Variants in KDM5B observed in about 807,000 individuals in gnomAD.
The protein encoded by KDM5B is lysine-specific demethylase 5B.
A neutral mutation model predicts 193.4 loss-of-function variants in KDM5B; 144 were observed. The ratio of observed to expected loss-of-function variants is 0.74; its 90% CI spans 0.65 to 0.86. KDM5B has a LOEUF of 0.86. KDM5B is among the 40% of genes least tolerant of loss of function. The pLI is 0.00. For missense variants in KDM5B, 1,833 were observed against 1,886.9 expected, an observed-to-expected ratio of 0.97 and a Z score of 0.53; for synonymous variants, 668 against 682.6, an observed-to-expected ratio of 0.98 and a Z score of 0.33.
intron 4 of KDM5B, among the ~76,000 whole-genome samples, chr1:202,770,101 T>G (rs1258649047): frequency 6.6e-6 from 1 of 152,174 alleles, no homozygotes; most frequent in Non-Finnish European, 1.5e-5. Flanking sequence ...CTGTAGTTTT[T>G]TAGAATAAAT....
chr1:202,765,501 A>T (rs950679496), intron 5 of KDM5B, among the ~76,000 whole-genome samples: 2 of 152,250 alleles, frequency 1.3e-5, no homozygotes, highest in Non-Finnish European at 2.9e-5. Flanking sequence ...ATCAAGGCAG[A>T]TGTAGGCATC....
At chr1:202,785,425 T>C (rs1336845719) in intron 1 of KDM5B, among the ~76,000 whole-genome samples, 1 of 152,178 alleles carries the variant, frequency 6.6e-6, no homozygotes, top group Non-Finnish European at 1.5e-5. Flanking sequence ...TACATCAAAA[T>C]AGATGTCAAA....
Position 202,789,683 on chromosome 1 carries a change from A to T in KDM5B, c.205-12589T>A, listed in dbSNP as rs192558558. Among the ~76,000 whole-genome samples, 1,412 of 147,508 alleles carry T rather than the reference A, an allele frequency of 9.6e-3. 29 individuals are homozygous for T. The highest frequency in any genetic ancestry group is 0.032 in the African/African-American group (1,295 of 39,856). Reference sequence around the variant, plus strand: ...ACCATGGCGGGACCCTATAAAAAAAATTTTTTTTTTAATTAGCTAGGCATG... The same window carrying T: ...ACCATGGCGGGACCCTATAAAAAAATTTTTTTTTTTAATTAGCTAGGCATG... On this transcript the variant is annotated intron_variant, in intron 1 of 26. Coordinates refer to ENST00000367265, the MANE Select transcript of KDM5B (RefSeq NM_006618.5).
At chr1:202,757,218 C>T (rs966164865) in intron 9 of KDM5B, among the ~76,000 whole-genome samples, 7 of 152,168 alleles carry the variant, frequency 4.6e-5, no homozygotes, top group Non-Finnish European at 8.8e-5. Context: ...GGACGCAGAG[C>T]TCGGGTGTAA....
At chr1:202,803,054 T>C (rs932864336) in intron 1 of KDM5B, among the ~76,000 whole-genome samples, 8 of 151,686 alleles carry the variant, frequency 5.3e-5, no homozygotes, top group African/African-American at 1.9e-4. Flanking sequence ...TACAATTTAT[T>C]AGAGGCTGAG....
rs201909287 is a variant in KDM5B, at chr1:202,732,057, AC to A, written c.3910-119del. The A allele has an allele frequency of 0.042, 26,925 of 634,540 alleles. 367 individuals are homozygous for A. Among genetic ancestry groups the A allele is most frequent in the Non-Finnish European group, 0.055 (20,526 of 372,624 alleles). The allele number at this position is 634,540 out of a possible 1,614,324, so 39.3% of individuals were successfully genotyped here. ...GCAACCAGGGGAAAAAAAAAAAAAAACAACTTGATTTTCCCCTACTGAAGAG... is the reference window on the plus strand; with the variant it reads ...GCAACCAGGGGAAAAAAAAAAAAAAAAACTTGATTTTCCCCTACTGAAGAG... On this transcript the variant is annotated intron_variant, in intron 23 of 26. Transcript: ENST00000367265.
chr1:202,734,422 C>G (rs549395893), intron 22 of KDM5B, among the ~76,000 whole-genome samples: 4 of 145,860 alleles, frequency 2.7e-5, no homozygotes, highest in Admixed American at 2.1e-4. Context: ...TATATGATAA[C>G]AAGGTAACTT....
Position 202,758,507 on chromosome 1 carries a change from A to C in KDM5B, c.1081T>G (p.Cys361Gly). Residue 361 changes from cysteine to glycine, a missense_variant, in exon 9 of 27, where the codon TGT becomes GGT. Transcript: ENST00000367265. ...WRCPKCLAQE[C>G]SKPQEAFGFE... The stretch of plus-strand genomic sequence containing the variant: ...CCAAATGCTTCTTGTGGCTTACTAC[A>C]TTCCTGAAAATAAAGAAAATTACGT... 1 of 1,604,942 alleles carries C rather than the reference A, an allele frequency of 6.2e-7. No homozygotes were observed. The highest frequency in any genetic ancestry group is 8.5e-7 in the Non-Finnish European group (1 of 1,172,916).
At chr1:202,764,713 T>G (rs1656379134) in intron 5 of KDM5B, among the ~76,000 whole-genome samples, 2 of 152,196 alleles carry the variant, frequency 1.3e-5, no homozygotes, top group African/African-American at 4.8e-5. Context: ...GCGAGGTGCC[T>G]CACACCTGTA....
At chr1:202,763,370 A>G (rs1656326120) in intron 6 of KDM5B, among the ~76,000 whole-genome samples, 1 of 152,196 alleles carries the variant, frequency 6.6e-6, no homozygotes, top group South Asian at 2.1e-4. Context: ...AAAGGTAAGA[A>G]AACTGATGTT....
intron 1 of KDM5B, among the ~76,000 whole-genome samples, chr1:202,802,904 A>G (rs932369295): frequency 6.6e-6 from 1 of 152,222 alleles, no homozygotes; most frequent in African/African-American, 2.4e-5. Flanking sequence ...TTTTCTTATC[A>G]GTGTCTCAAC....
intron 15 of KDM5B, 33 bp downstream of exon 15, chr1:202,746,109 T>G (rs1655544703): frequency 6.6e-7 from 1 of 1,517,476 alleles, no homozygotes; most frequent in African/African-American, 1.5e-5. Context: ...TCAACTGTTT[T>G]CCATAGGAAA....
At chr1:202,763,908 C>A in intron 6 of KDM5B, 141 bp downstream of exon 6, 1 of 566,420 alleles carries the variant, frequency 1.8e-6, no homozygotes, top group Non-Finnish European at 3.0e-6. Context: ...CAAAGCCCAA[C>A]CCAGTGACTA....
chr1:202,794,260 G>A (rs1440650115), intron 1 of KDM5B, among the ~76,000 whole-genome samples: 1 of 152,152 alleles, frequency 6.6e-6, no homozygotes, highest in Non-Finnish European at 1.5e-5. Context: ...AGAAAATTGG[G>A]AGGATCCTGC....
intron 1 of KDM5B, among the ~76,000 whole-genome samples, chr1:202,794,896 C>G (rs900976055): frequency 6.6e-6 from 1 of 152,052 alleles, no homozygotes; most frequent in Non-Finnish European, 1.5e-5. Context: ...TTAACAATAA[C>G]AATTAAACAA....
intron 11 of KDM5B, among the ~76,000 whole-genome samples, chr1:202,754,641 G>C (rs1655937447): frequency 6.6e-6 from 1 of 152,184 alleles, no homozygotes; most frequent in Non-Finnish European, 1.5e-5. Context: ...ATTTTCTATA[G>C]TAAAAGTAAC....
At position 202,749,064 on chromosome 1, in the gene KDM5B, T is replaced by A; in HGVS notation, c.1897A>T (p.Ile633Phe). 6.2e-7 allele frequency: 1 copy of A among 1,614,120 alleles called. No homozygotes were observed. Among genetic ancestry groups the A allele is most frequent in the Non-Finnish European group, 8.5e-7 (1 of 1,179,986 alleles). Residue 633 changes from isoleucine (I) to phenylalanine (F), a missense_variant, in exon 14 of 27, where the codon ATC becomes TTC. Around this residue, in one of 3 missense-constraint regions of KDM5B, gnomAD observed 1,379 missense variants for 1,349.6 expected, o/e 1.02. Transcript: ENST00000367265. Reference protein sequence around the residue: ...RYCVFSHDEMICKMASKADVL... With the variant: ...RYCVFSHDEMFCKMASKADVL... ...TCAGCCTTGGAAGCCATCTTGCAGA[T>A]CATCTCATCGTGGGAAAACACACAA...
In KDM5B at chr1:202,725,821, T is replaced by A. The variant is rs940701938; in HGVS notation, c.*3215A>T. 13 of 152,240 alleles carry A rather than the reference T, an allele frequency of 8.5e-5. No homozygotes were observed. The highest frequency in any genetic ancestry group is 2.7e-4 in the African/African-American group (11 of 41,448). The allele number at this position is 152,240 out of a possible 1,614,324, so 9.4% of individuals were successfully genotyped here. ...AATTCTGTCTCCTGTTACAGGTATA[T>A]AGCATCTGGAATCCATTCCGGTATG... On this transcript the variant is annotated 3_prime_UTR_variant, in exon 27 of 27. Coordinates refer to ENST00000367265, the MANE Select transcript of KDM5B (RefSeq NM_006618.5).
Position 202,807,997 on chromosome 1 carries a change from G to A in KDM5B, c.204+105C>T, listed in dbSNP as rs1164687191. 4 of 1,189,278 alleles carry A rather than the reference G, an allele frequency of 3.4e-6. No homozygotes were observed. The African/African-American group carries it at 6.5e-5, about 19-fold the overall frequency. 73.7% of individuals were successfully genotyped at this position (1,189,278 alleles called of 1,614,324 possible). A position where few individuals can be genotyped will look rare whatever the true frequency, so the allele number is the denominator to read the frequency against. ...AGCCCCAAACTTGACGAGGCCGGCG[G>A]GGCGACCGGCTCCCCGCCCCCCGCG... On this transcript the variant is annotated intron_variant, in intron 1 of 26. Transcript: ENST00000367265.
Sources: gnomAD v4.1 joint callset for allele counts (sites outside exome capture counted in the v4.1 genomes callset) on GRCh38, gnomAD v4.1.1 for gene constraint, gnomAD v4.1.1 regional missense constraint, MANE v1.5 for transcripts, NCBI Gene and HGNC (gene_info 2026-07-23, HGNC 2026-07-21) for gene names.